Variants in URGCP observed in about 807,000 individuals in gnomAD.
The protein encoded by URGCP is up-regulator of cell proliferation.
Under a neutral mutation model 24.6 loss-of-function variants are expected in URGCP, and 13 were observed. That is an observed-to-expected ratio of 0.53 (90% CI 0.34 to 0.84). URGCP has a LOEUF of 0.84. Ranked by LOEUF, URGCP falls within the 40% of genes least tolerant of loss-of-function variation. URGCP has a pLI of 0.01. For synonymous variants in URGCP, 444 were observed against 487.2 expected, an observed-to-expected ratio of 0.91 and a Z score of 1.17; for missense variants, 899 against 1,194.3, an observed-to-expected ratio of 0.75 and a Z score of 3.64.
At chr7:43,907,708 G>A (rs1482534784), upstream of URGCP, among the ~76,000 whole-genome samples, 1 of 152,082 alleles carries the variant, frequency 6.6e-6, no homozygotes, top group Non-Finnish European at 1.5e-5. Context: ...TGAAAAATAA[G>A]GCTAAAAATA....
intron 1 of URGCP, among the ~76,000 whole-genome samples, chr7:43,900,399 G>A (rs548016392): frequency 4.1e-5 from 6 of 146,348 alleles, no homozygotes; most frequent in African/African-American, 1.5e-4. Flanking sequence ...AGGTTGAAGT[G>A]AGCTGAGATC....
chr7:43,898,394 A>T (rs2095882718), intron 1 of URGCP, among the ~76,000 whole-genome samples: 1 of 152,220 alleles, frequency 6.6e-6, no homozygotes, highest in East Asian at 1.9e-4. Context: ...GAAAAATAAT[A>T]TGTTACAAAT....
intron 1 of URGCP, among the ~76,000 whole-genome samples, chr7:43,900,481 A>AAAG (rs1554291220): frequency 1.4e-4 from 20 of 147,624 alleles, no homozygotes; most frequent in Admixed American, 8.3e-4. Flanking sequence ...AAAAAAAAAA[A>AAAG]AAAAAGAAAA....
At chr7:43,905,183 CA>C (rs1448163442) in intron 1 of URGCP, among the ~76,000 whole-genome samples, 2 of 151,976 alleles carry the variant, frequency 1.3e-5, no homozygotes, top group Admixed American at 1.3e-4. Flanking sequence ...ACTTGGGCAC[CA>C]AATGCACCAC....
At chr7:43,909,540 A>G (rs940267795), upstream of URGCP, among the ~76,000 whole-genome samples, 1 of 151,832 alleles carries the variant, frequency 6.6e-6, no homozygotes, top group Admixed American at 6.6e-5. Flanking sequence ...AGCCTGGCCA[A>G]CATGGTGAAA....
At position 43,878,701 on chromosome 7, in the gene URGCP, G is replaced by A. The variant is rs950825333; in HGVS notation, c.762C>T (p.Ser254=). The change falls in exon 6 of 6, where the codon AGC becomes AGT. Residue 254 remains serine (S), a synonymous_variant. Transcript: ENST00000453200. This position sits in a 1 kb window ranked among gnomAD's most constrained non-coding sequence, Gnocchi z 5.6. The part of the protein sequence containing the change: ...PRGMGSFRED[S]VVLSRAPAFA... ...AGGCGGGCGCCCTGGACAAGACCAC[G>A]CTGTCTTCCCGGAAGCTCCCCATGC... 13 of 1,613,836 alleles carry A rather than the reference G, an allele frequency of 8.1e-6. No homozygotes were observed. The highest frequency in any genetic ancestry group is 3.3e-5 in the Admixed American group (2 of 60,008).
chr7:43,879,000 T>C lies in URGCP; in HGVS notation c.463A>G (p.Ile155Val), dbSNP rs1248997449. The C allele has an allele frequency of 6.2e-7, 1 of 1,614,156 alleles. No homozygotes were observed. The highest frequency in any genetic ancestry group is 8.5e-7 in the Non-Finnish European group (1 of 1,180,036). ...VEKESQMEEE[I>V]IYWDPADDLA... ...TCATCAGCTGGGTCCCAGTAGATGA[T>C]CTCCTCTTCCATCTGGCTCTCCTTC... The change falls in exon 6 of 6, where the codon ATC becomes GTC. Residue 155 changes from isoleucine to valine, a missense_variant. Ile to Val is a conservative substitution (Grantham distance 29). Coordinates refer to ENST00000453200, the MANE Select transcript of URGCP (RefSeq NM_001077663.3). This position sits in a 1 kb window ranked among gnomAD's most constrained non-coding sequence, Gnocchi z 5.6.
intron 3 of URGCP, 128 bp downstream of exon 3, chr7:43,887,287 C>A (rs1011836180): frequency 1.3e-5 from 14 of 1,073,772 alleles, no homozygotes; most frequent in Middle Eastern, 4.2e-4. Flanking sequence ...AAAATAAAAG[C>A]CTTAAACTTA....
chr7:43,921,768 T>C (rs1051845744), intron 1 of URGCP, among the ~76,000 whole-genome samples: 2 of 152,246 alleles, frequency 1.3e-5, no homozygotes, highest in African/African-American at 4.8e-5. Context: ...AAGATAAAGC[T>C]AAAGGTTTAA....
At chr7:43,895,464 C>G (rs2095876911) in intron 1 of URGCP, among the ~76,000 whole-genome samples, 1 of 152,178 alleles carries the variant, frequency 6.6e-6, no homozygotes, top group South Asian at 2.1e-4. Flanking sequence ...TTGTTTGAGT[C>G]CAGGAGTTCA....
At chr7:43,900,481 A>G (rs4724255) in intron 1 of URGCP, among the ~76,000 whole-genome samples, 15 of 147,704 alleles carry the variant, frequency 1.0e-4, no homozygotes, top group East Asian at 3.9e-4. Flanking sequence ...AAAAAAAAAA[A>G]AAAAAGAAAA....
chr7:43,898,269 T>C (rs1022143107), intron 1 of URGCP, among the ~76,000 whole-genome samples: 1 of 152,082 alleles, frequency 6.6e-6, no homozygotes, highest in African/African-American at 2.4e-5. Flanking sequence ...TCATAAACAA[T>C]GAGAGAATTC....
At chr7:43,917,974 A>G (rs2095917210) in intron 1 of URGCP, among the ~76,000 whole-genome samples, 1 of 152,054 alleles carries the variant, frequency 6.6e-6, no homozygotes, top group Non-Finnish European at 1.5e-5. Context: ...AAACAAAACA[A>G]AACAAAACAA....
chr7:43,914,462 A>G (rs2095913436), intron 1 of URGCP, among the ~76,000 whole-genome samples: 1 of 152,166 alleles, frequency 6.6e-6, no homozygotes, highest in Non-Finnish European at 1.5e-5. Flanking sequence ...CCAAGATCAT[A>G]CCACTGTACT....
intron 1 of URGCP, among the ~76,000 whole-genome samples, chr7:43,900,196 G>GT (rs1330501540): frequency 2.6e-5 from 4 of 151,256 alleles, no homozygotes; most frequent in Non-Finnish European, 4.4e-5. Flanking sequence ...GCTCATGCCT[G>GT]TAATTCCAGC....
chr7:43,881,860 T>C, intron 4 of URGCP, 47 bp downstream of exon 4: 1 of 1,606,264 alleles, frequency 6.2e-7, no homozygotes, highest in Non-Finnish European at 8.5e-7. Flanking sequence ...CTTTACCCAC[T>C]CCCCCTCTCC....
At chr7:43,887,740 T>G in intron 2 of URGCP, 50 bp downstream of exon 2, 1 of 1,541,760 alleles carries the variant, frequency 6.5e-7, no homozygotes, top group Non-Finnish European at 8.7e-7. Flanking sequence ...CCAAAACTGC[T>G]GGCCAGAGCA....
chr7:43,893,730 G>T (rs1410460857), intron 1 of URGCP, among the ~76,000 whole-genome samples: 1 of 152,194 alleles, frequency 6.6e-6, no homozygotes, highest in African/African-American at 2.4e-5. Context: ...AATTAGACGG[G>T]TGTGATGGCA....
intron 1 of URGCP, among the ~76,000 whole-genome samples, chr7:43,892,358 A>T (rs1295807219): frequency 6.7e-6 from 1 of 148,526 alleles, no homozygotes; most frequent in Non-Finnish European, 1.5e-5. Context: ...TGACCTCATG[A>T]TCTGCCCACC....
Sources: gnomAD v4.1 joint callset for allele counts (sites outside exome capture counted in the v4.1 genomes callset) on GRCh38, gnomAD v4.1.1 for gene constraint, Gnocchi (gnomAD v3.1) non-coding constraint, MANE v1.5 for transcripts, NCBI Gene and HGNC (gene_info 2026-07-23, HGNC 2026-07-21) for gene names.